Variants in CSMD1 observed in about 807,000 individuals in gnomAD.
The protein encoded by CSMD1 is CUB and sushi domain-containing protein 1.
Under a neutral mutation model 417.5 loss-of-function variants are expected in CSMD1, and 213 were observed. That is an observed-to-expected ratio of 0.51 (90% CI 0.46 to 0.57). The LOEUF (loss-of-function observed/expected upper bound fraction) is 0.57. CSMD1 is among the 20% of genes least tolerant of loss of function. The pLI is 0.00. For missense variants in CSMD1, 6,923 were observed against 4,529.7 expected (o/e 1.53, Z -15.17); for synonymous variants, 2,862 against 1,736.8 (o/e 1.65, Z -16.11).
intron 3 of CSMD1, among the ~76,000 whole-genome samples, chr8:4,397,084 ATC>A (rs1804285107): frequency 6.6e-6 from 1 of 152,102 alleles, no homozygotes; most frequent in South Asian, 2.1e-4. Flanking sequence ...ACACTTCCCC[ATC>A]TCTCTTTTCC....
chr8:4,498,169 T>C (rs1455449681), intron 2 of CSMD1, among the ~76,000 whole-genome samples: 1 of 152,168 alleles, frequency 6.6e-6, no homozygotes, highest in Non-Finnish European at 1.5e-5. Flanking sequence ...CGCAGTTATC[T>C]TTCTACTGTT....
chr8:4,657,448 C>G (rs1262685500), intron 1 of CSMD1, among the ~76,000 whole-genome samples: 6 of 152,074 alleles, frequency 3.9e-5, no homozygotes, highest in Admixed American at 2.6e-4. Flanking sequence ...CTCACGCACT[C>G]TTGGCATTCA....
intron 5 of CSMD1, among the ~76,000 whole-genome samples, chr8:3,989,439 C>G (rs1221532240): frequency 6.6e-6 from 1 of 152,160 alleles, no homozygotes; most frequent in Non-Finnish European, 1.5e-5. Context: ...AGAGCGGCTT[C>G]TTAGCATGCT....
At chr8:3,235,916 G>GTTTGTTTT (rs1799123553) in intron 26 of CSMD1, among the ~76,000 whole-genome samples, 1 of 119,378 alleles carries the variant, frequency 8.4e-6, no homozygotes, top group Admixed American at 1.0e-4. Context: ...GAAGATGTAA[G>GTTTGTTTT]TTTTTTTTTT....
chr8:4,532,659 C>G (rs1183787853), intron 2 of CSMD1, among the ~76,000 whole-genome samples: 1 of 144,234 alleles, frequency 6.9e-6, no homozygotes, highest in Non-Finnish European at 1.5e-5. Context: ...CCCATTCAGT[C>G]ACTCCGGAAG....
chr8:4,591,902 G>A (rs1202615415), intron 2 of CSMD1, among the ~76,000 whole-genome samples: 1 of 152,112 alleles, frequency 6.6e-6, no homozygotes, highest in Non-Finnish European at 1.5e-5. Context: ...AAGTTGGGCA[G>A]ACATTCTGAG....
At chr8:3,336,875 G>A (rs1807298855) in intron 23 of CSMD1, among the ~76,000 whole-genome samples, 1 of 152,014 alleles carries the variant, frequency 6.6e-6, no homozygotes, top group African/African-American at 2.4e-5. Context: ...TGTCTGAGAT[G>A]GTCAGATCCT....
intron 12 of CSMD1, among the ~76,000 whole-genome samples, chr8:3,428,894 G>A (rs932115458): frequency 1.3e-5 from 2 of 152,198 alleles, no homozygotes; most frequent in Non-Finnish European, 2.9e-5. Flanking sequence ...CAGCAACACG[G>A]ATGAGCCTGA....
intron 1 of CSMD1, among the ~76,000 whole-genome samples, chr8:4,753,046 A>G (rs950319338): frequency 1.3e-5 from 2 of 152,172 alleles, no homozygotes; most frequent in African/African-American, 4.8e-5. Flanking sequence ...GAGAAAATAC[A>G]TATTACTTTA....
chr8:4,196,682 G>A (rs1026149807), intron 3 of CSMD1, among the ~76,000 whole-genome samples: 4 of 152,090 alleles, frequency 2.6e-5, no homozygotes, highest in Non-Finnish European at 4.4e-5. Flanking sequence ...TCTTTCTACT[G>A]CTTTTAAGAG....
rs781461219 is a variant in CSMD1, at chr8:3,108,583, C to A, written c.6754+20G>T. The stretch of plus-strand genomic sequence containing the variant: ...ACATGGAATTCTCAGTCTTAACTAA[C>A]GGAGTGAAAATCAACTGACCGTGGA... On this transcript the variant is annotated intron_variant, in intron 44 of 69. Transcript: ENST00000635120. 2 of 1,612,268 alleles carry A rather than the reference C, an allele frequency of 1.2e-6. No individual in the cohort carries two copies. The highest frequency in any genetic ancestry group is 3.3e-5 in the Admixed American group (2 of 59,930).
chr8:2,974,049 G>A (rs1804701363), intron 56 of CSMD1, among the ~76,000 whole-genome samples: 1 of 148,134 alleles, frequency 6.8e-6, no homozygotes, highest in Non-Finnish European at 1.5e-5. Flanking sequence ...GGTAGAGGAT[G>A]GTGGTAGAGG....
At chr8:4,551,543 C>A (rs1238473670) in intron 2 of CSMD1, among the ~76,000 whole-genome samples, 2 of 152,148 alleles carry the variant, frequency 1.3e-5, no homozygotes, top group African/African-American at 4.8e-5. Context: ...TATGGTCTTC[C>A]CTGGCTGACT....
chr8:3,456,574 T>C (rs968822675), intron 12 of CSMD1, among the ~76,000 whole-genome samples: 2 of 152,210 alleles, frequency 1.3e-5, no homozygotes, highest in African/African-American at 4.8e-5. Flanking sequence ...CATTACTTCC[T>C]ACTATGCCAA....
intron 1 of CSMD1, among the ~76,000 whole-genome samples, chr8:4,930,712 CCATAT>C (rs1210507368): frequency 6.6e-6 from 1 of 152,080 alleles, no homozygotes; most frequent in Non-Finnish European, 1.5e-5. Flanking sequence ...GTGGATAATA[CCATAT>C]AATTGTTACT....
chr8:3,685,647 G>C lies in CSMD1; in HGVS notation c.1009+22767C>G, dbSNP rs550944078. Reference sequence around the variant, plus strand: ...TCATTTCTTTGAGACTGTTTTTAGAGGCCTGGGGGTGCTTTTCTGAGGAAG... The same window carrying C: ...TCATTTCTTTGAGACTGTTTTTAGACGCCTGGGGGTGCTTTTCTGAGGAAG... On this transcript the variant is annotated intron_variant, in intron 7 of 69. Transcript: ENST00000635120. Among the ~76,000 whole-genome samples, 17 of 152,240 alleles carry C rather than the reference G, an allele frequency of 1.1e-4. 1 individual carries two copies. The highest frequency in any genetic ancestry group is 2.1e-4 in the Non-Finnish European group (14 of 68,020).
chr8:4,108,041 A>T (rs113310059), intron 3 of CSMD1, among the ~76,000 whole-genome samples: 1 of 141,340 alleles, frequency 7.1e-6, no homozygotes, highest in Admixed American at 7.0e-5. Context: ...GAGAGAGAGA[A>T]AGAGAGACAG....
intron 26 of CSMD1, among the ~76,000 whole-genome samples, chr8:3,272,690 G>A: frequency 7.0e-6 from 1 of 141,962 alleles, no homozygotes; most frequent in African/African-American, 2.7e-5. Context: ...TCTCTTCGAA[G>A]CAATTGTGAA....
chr8:4,190,430 A>C (rs1422324860), intron 3 of CSMD1, among the ~76,000 whole-genome samples: 1 of 152,128 alleles, frequency 6.6e-6, no homozygotes, highest in South Asian at 2.1e-4. Context: ...ACGCTCATTA[A>C]TGTGAATTGC....
Sources: allele counts gnomAD v4.1 joint callset (sites outside exome capture counted in the v4.1 genomes callset), GRCh38; gene constraint gnomAD v4.1.1; transcripts MANE v1.5; gene names NCBI Gene and HGNC (gene_info 2026-07-23, HGNC 2026-07-21).